The following NKAIN2 variants were observed in gnomAD, a reference collection of about 807,000 sequenced individuals.
NKAIN2 encodes sodium/potassium-transporting ATPase subunit beta-1-interacting protein 2.
NKAIN2 carries 14 observed loss-of-function variants against 32.6 expected under a neutral mutation model. That is an observed-to-expected ratio of 0.43 (90% CI 0.28 to 0.67). The LOEUF is 0.67. Ranked by LOEUF, NKAIN2 falls within the 30% of genes least tolerant of loss-of-function variation. The pLI is 0.17. For missense variants in NKAIN2, 198 were observed against 258.3 expected (o/e 0.77, Z 1.60); for synonymous variants, 80 against 87.2 (o/e 0.92, Z 0.46).
intron 1 of NKAIN2, among the ~76,000 whole-genome samples, chr6:124,233,995 C>A (rs951268221): frequency 6.6e-6 from 1 of 152,128 alleles, no homozygotes; most frequent in South Asian, 2.1e-4. Context: ...ATGCTGTAGG[C>A]TTTGTAGATC....
chr6:124,432,585 G>T (rs145554616), intron 3 of NKAIN2, among the ~76,000 whole-genome samples: 13 of 152,128 alleles, frequency 8.5e-5, no homozygotes, highest in African/African-American at 2.9e-4. Flanking sequence ...TCCAGCCTGG[G>T]CAGCAGAGCA....
chr6:124,775,834 AT>A (rs898535729), intron 4 of NKAIN2, among the ~76,000 whole-genome samples: 7 of 151,600 alleles, frequency 4.6e-5, no homozygotes, highest in African/African-American at 1.2e-4. Flanking sequence ...TGAAATAATG[AT>A]TTTTTTTTCC....
At chr6:124,822,803 C>T (rs912360835) in intron 6 of NKAIN2, among the ~76,000 whole-genome samples, 2 of 151,994 alleles carry the variant, frequency 1.3e-5, no homozygotes, top group East Asian at 1.9e-4. Context: ...AAAAAAATCC[C>T]GTGTCTACAG....
At chr6:124,736,591 C>T (rs1776959556) in intron 4 of NKAIN2, among the ~76,000 whole-genome samples, 2 of 151,946 alleles carry the variant, frequency 1.3e-5, no homozygotes, top group African/African-American at 4.8e-5. Flanking sequence ...GACTTATTTA[C>T]CATTGCAAAA....
At chr6:123,824,398 A>G (rs1418249603) in intron 1 of NKAIN2, among the ~76,000 whole-genome samples, 1 of 152,142 alleles carries the variant, frequency 6.6e-6, no homozygotes, top group Non-Finnish European at 1.5e-5. Context: ...TGGGAGCTAC[A>G]CTGGTGGCAA....
At chr6:124,169,787 G>A (rs372810194) in intron 1 of NKAIN2, among the ~76,000 whole-genome samples, 4 of 151,986 alleles carry the variant, frequency 2.6e-5, no homozygotes, top group African/African-American at 7.2e-5. Flanking sequence ...TTGCTTCCTG[G>A]TTTTACATTC....
chr6:124,237,386 G>C (rs767820704), intron 1 of NKAIN2, among the ~76,000 whole-genome samples: 19 of 152,046 alleles, frequency 1.2e-4, no homozygotes, highest in Non-Finnish European at 2.6e-4. Flanking sequence ...TTTTTTGAGA[G>C]AGAGAGCCTG....
At chr6:124,191,352 A>C (rs1014405003) in intron 1 of NKAIN2, among the ~76,000 whole-genome samples, 1 of 152,020 alleles carries the variant, frequency 6.6e-6, no homozygotes, top group Non-Finnish European at 1.5e-5. Flanking sequence ...GAATGTATTC[A>C]TAAGTATGGT....
intron 3 of NKAIN2, among the ~76,000 whole-genome samples, chr6:124,474,260 C>G (rs1777095659): frequency 6.6e-6 from 1 of 151,970 alleles, no homozygotes; most frequent in Non-Finnish European, 1.5e-5. Flanking sequence ...GGGCTTTTCC[C>G]CTTTGTAAGT....
At chr6:124,145,288 C>T (rs1787345170) in intron 1 of NKAIN2, among the ~76,000 whole-genome samples, 1 of 152,144 alleles carries the variant, frequency 6.6e-6, no homozygotes, top group South Asian at 2.1e-4. Context: ...TATTCCACAA[C>T]ATTTATTTCC....
intron 1 of NKAIN2, among the ~76,000 whole-genome samples, chr6:123,849,970 G>GT (rs1273384852): frequency 7.8e-5 from 6 of 76,906 alleles, no homozygotes; most frequent in African/African-American, 2.4e-4. Flanking sequence ...TTGTTTGTTT[G>GT]TTTTTTTTTT....
At chr6:124,771,823 G>A (rs569009604) in intron 4 of NKAIN2, among the ~76,000 whole-genome samples, 93 of 152,236 alleles carry the variant, frequency 6.1e-4, no homozygotes, top group Non-Finnish European at 1.1e-3. Context: ...CTTAAGCTGA[G>A]TTTTGAAGAA....
chr6:124,654,986 A>G (rs1027559424), intron 3 of NKAIN2, among the ~76,000 whole-genome samples: 4 of 152,160 alleles, frequency 2.6e-5, no homozygotes, highest in African/African-American at 9.7e-5. Context: ...AAACTAATAT[A>G]GTTACTGTAT....
chr6:124,823,133 T>C, intron 6 of NKAIN2, 87 bp from the exon 7 acceptor site: 2 of 912,666 alleles, frequency 2.2e-6, no homozygotes, highest in Non-Finnish European at 3.7e-6. Flanking sequence ...TTGTTTGCTC[T>C]TGTGCTTGGA....
chr6:123,910,288 A>G (rs897187380), intron 1 of NKAIN2, among the ~76,000 whole-genome samples: 11 of 152,262 alleles, frequency 7.2e-5, no homozygotes, highest in African/African-American at 2.6e-4. Flanking sequence ...TAAGTATGCC[A>G]TGCAGATTCT....
chr6:124,620,129 T>C (rs1278987925), intron 3 of NKAIN2, among the ~76,000 whole-genome samples: 2 of 152,194 alleles, frequency 1.3e-5, no homozygotes, highest in Non-Finnish European at 2.9e-5. Flanking sequence ...CACAGTTCCA[T>C]AGACCCAGAT....
At chr6:124,819,479 C>A (rs1781305781) in intron 6 of NKAIN2, among the ~76,000 whole-genome samples, 1 of 152,148 alleles carries the variant, frequency 6.6e-6, no homozygotes, top group African/African-American at 2.4e-5. Context: ...CAGAAATCAA[C>A]CAGTATGTTG....
At chr6:124,371,085 G>A (rs1334458980) in intron 3 of NKAIN2, among the ~76,000 whole-genome samples, 1 of 151,460 alleles carries the variant, frequency 6.6e-6, no homozygotes, top group African/African-American at 2.4e-5. Flanking sequence ...CCTTCTCAAT[G>A]AAAAATAAAA....
chr6:124,325,702 A>T (rs1797382912), intron 2 of NKAIN2, among the ~76,000 whole-genome samples: 2 of 152,122 alleles, frequency 1.3e-5, no homozygotes, highest in South Asian at 4.1e-4. Context: ...AGCTATATTG[A>T]CATAATCAGA....
Sources: gnomAD v4.1 joint callset for allele counts (sites outside exome capture counted in the v4.1 genomes callset) on GRCh38, gnomAD v4.1.1 for gene constraint, MANE v1.5 for transcripts, NCBI Gene and HGNC (gene_info 2026-07-23, HGNC 2026-07-21) for gene names.